TXNDC11: variants seen among roughly 807,000 people sequenced by gnomAD.
TXNDC11 encodes the protein thioredoxin domain containing 11, also known as thioredoxin domain-containing protein 11.
TXNDC11 carries 68 observed loss-of-function variants against 78.0 expected under a neutral mutation model. The ratio of observed to expected loss-of-function variants is 0.87; its 90% CI spans 0.72 to 1.07. The LOEUF is 1.07. TXNDC11 is among the 50% of genes least tolerant of loss of function. The pLI, the probability that TXNDC11 is intolerant of heterozygous loss-of-function variation, is 0.00. For synonymous variants in TXNDC11, 571 were observed against 495.2 expected (o/e 1.15, Z -2.03); for missense variants, 1,389 against 1,221.8 (o/e 1.14, Z -2.04).
Position 11,691,997 on chromosome 16 carries a change from G to T in TXNDC11, c.1193C>A (p.Ala398Asp). 6.3e-7 allele frequency: 1 copy of T among 1,575,848 alleles called. No individual in the cohort carries two copies. Among genetic ancestry groups the T allele is most frequent in the Middle Eastern group, 1.7e-4 (1 of 5,862 alleles). ...CAGGGCCAGGGACTCCAGCACTGGA[G>T]CATCCACCCGCCGCAGGTGCTGAAG... The part of the protein sequence containing the change: ...RLLQHLRRVD[A>D]PVLESLALEV... Residue 398 changes from alanine (A) to aspartate (D), a missense_variant, in exon 8 of 12, where the codon GCT (alanine) becomes GAT (aspartate). Ala to Asp is a moderately radical substitution (Grantham distance 126). Coordinates refer to ENST00000283033, the MANE Select transcript of TXNDC11 (RefSeq NM_015914.7).
At chr16:11,706,562 T>C (rs2141047194) in intron 5 of TXNDC11, among the ~76,000 whole-genome samples, 1 of 152,370 alleles carries the variant, frequency 6.6e-6, no homozygotes, top group East Asian at 1.9e-4. Flanking sequence ...TGCCTACTTT[T>C]GGCAGGCAGG....
At chr16:11,736,994 G>A (rs1004651349) in intron 1 of TXNDC11, among the ~76,000 whole-genome samples, 9 of 151,882 alleles carry the variant, frequency 5.9e-5, no homozygotes, top group Non-Finnish European at 1.0e-4. Context: ...AAGGGCCCTA[G>A]TAAACACCCT....
intron 10 of TXNDC11, among the ~76,000 whole-genome samples, chr16:11,686,379 C>T (rs952191409): frequency 2.3e-4 from 35 of 152,244 alleles, no homozygotes; most frequent in African/African-American, 8.0e-4. Context: ...CCATAATTTA[C>T]TTAAACATTC....
chr16:11,694,919 A>C (rs1000666833), intron 7 of TXNDC11, among the ~76,000 whole-genome samples: 3 of 152,376 alleles, frequency 2.0e-5, no homozygotes, highest in Non-Finnish European at 2.9e-5. Flanking sequence ...AAATCTTGGC[A>C]AATAACTGTT....
Position 11,692,010 on chromosome 16 carries a change from G to A in TXNDC11, c.1180C>T (p.Arg394Trp), listed in dbSNP as rs773301942. ...QVVERLLQHL[R>W]RVDAPVLESL... ...TCCAGCACTGGAGCATCCACCCGCC[G>A]CAGGTGCTGAAGGAGACGCTCCACC... The change falls in exon 8 of 12, where the codon CGG becomes TGG. Residue 394 changes from arginine (R) to tryptophan (W), a missense_variant. Transcript: ENST00000283033. 1.7e-5 allele frequency: 26 copies of A among 1,572,040 alleles called. No homozygotes were observed. Among genetic ancestry groups the A allele is most frequent in the East Asian group, 9.0e-5 (4 of 44,496 alleles).
At chr16:11,681,935 A>G (rs1201800677) in intron 11 of TXNDC11, among the ~76,000 whole-genome samples, 1 of 152,242 alleles carries the variant, frequency 6.6e-6, no homozygotes, top group African/African-American at 2.4e-5. Context: ...ATGTAAAAAC[A>G]TACAAGCAGC....
chr16:11,696,783 C>T (rs1386374252), intron 7 of TXNDC11, among the ~76,000 whole-genome samples: 2 of 152,172 alleles, frequency 1.3e-5, no homozygotes, highest in African/African-American at 4.8e-5. Context: ...CATTCAGAAA[C>T]AACAGGCGAG....
chr16:11,707,271 T>C (rs186895887), intron 5 of TXNDC11, among the ~76,000 whole-genome samples: 4 of 151,578 alleles, frequency 2.6e-5, no homozygotes, highest in Admixed American at 1.3e-4. Context: ...TACTAAAAAT[T>C]AGCCAGGCTT....
At position 11,688,313 on chromosome 16, in the gene TXNDC11, A is replaced by T. The variant is rs1369024633; in HGVS notation, c.2033T>A (p.Leu678His). ...VTTDTFWEVV[L>H]QKQDVLLLYY... ...CTCATGACTCCATACCTGTTTTTGA[A>T]GGACTACTTCCCAAAAGGTATCAGT... The change falls in exon 9 of 12, where the codon CTT (leucine) becomes CAT (histidine). Residue 678 changes from leucine (L) to histidine (H), a missense_variant. Coordinates refer to ENST00000283033, the MANE Select transcript of TXNDC11 (RefSeq NM_015914.7). The T allele has an allele frequency of 6.2e-7, 1 of 1,613,544 alleles. No homozygotes were observed. The highest frequency in any genetic ancestry group is 1.3e-5 in the African/African-American group (1 of 74,996).
intron 3 of TXNDC11, among the ~76,000 whole-genome samples, chr16:11,733,256 CAAAAT>C (rs936564884): frequency 4.0e-5 from 6 of 150,732 alleles, no homozygotes; most frequent in Middle Eastern, 3.5e-3. Context: ...AACTCTGTCT[CAAAAT>C]AAAATAAAAT....
chr16:11,694,676 G>A (rs1254534462), intron 7 of TXNDC11, among the ~76,000 whole-genome samples: 1 of 152,110 alleles, frequency 6.6e-6, no homozygotes, highest in Non-Finnish European at 1.5e-5. Context: ...TTGAATTCCT[G>A]ATCTCAGGTG....
chr16:11,719,553 T>C (rs1462055419), intron 5 of TXNDC11, among the ~76,000 whole-genome samples: 1 of 152,200 alleles, frequency 6.6e-6, no homozygotes, highest in Non-Finnish European at 1.5e-5. Context: ...ATATATACTG[T>C]TTTAATATTC....
chr16:11,723,211 T>G (rs2141093389), intron 4 of TXNDC11, among the ~76,000 whole-genome samples: 1 of 150,410 alleles, frequency 6.6e-6, no homozygotes, highest in South Asian at 2.1e-4. Flanking sequence ...TGAGCTGAGA[T>G]CATGCCCCTG....
intron 8 of TXNDC11, among the ~76,000 whole-genome samples, chr16:11,690,249 A>C (rs1276824074): frequency 6.6e-6 from 1 of 152,216 alleles, no homozygotes; most frequent in Non-Finnish European, 1.5e-5. Context: ...CAAGGGCATC[A>C]GCAAATTCCT....
At chr16:11,705,646 G>C (rs1164180924) in intron 5 of TXNDC11, among the ~76,000 whole-genome samples, 1 of 152,228 alleles carries the variant, frequency 6.6e-6, no homozygotes, top group African/African-American at 2.4e-5. Context: ...GCCTTAATAA[G>C]AATGGACAGT....
chr16:11,707,897 A>T (rs1187555573), intron 5 of TXNDC11, among the ~76,000 whole-genome samples: 1 of 151,986 alleles, frequency 6.6e-6, no homozygotes, highest in Non-Finnish European at 1.5e-5. Flanking sequence ...AGCCTGGGCA[A>T]GAGAGTGAGA....
chr16:11,740,350 C>T (rs565344171), intron 1 of TXNDC11, among the ~76,000 whole-genome samples: 2 of 152,140 alleles, frequency 1.3e-5, no homozygotes, highest in African/African-American at 4.8e-5. Context: ...GCCAGTGACA[C>T]AGAAAGAAGA....
intron 5 of TXNDC11, among the ~76,000 whole-genome samples, chr16:11,719,431 T>C (rs1196746210): frequency 1.3e-5 from 2 of 152,270 alleles, no homozygotes; most frequent in African/African-American, 2.4e-5. Flanking sequence ...CATACTTATA[T>C]GACAGCTTTT....
chr16:11,696,138 G>C (rs964860852), intron 7 of TXNDC11, among the ~76,000 whole-genome samples: 4 of 152,018 alleles, frequency 2.6e-5, no homozygotes, highest in African/African-American at 7.2e-5. Context: ...TCTCTCCCCA[G>C]TTAGCCCTTC....
Sources: allele counts gnomAD v4.1 joint callset (sites outside exome capture counted in the v4.1 genomes callset), GRCh38; gene constraint gnomAD v4.1.1; transcripts MANE v1.5; gene names NCBI Gene and HGNC (gene_info 2026-07-23, HGNC 2026-07-21).